The following PPARGC1A variants were observed in gnomAD, a reference collection of about 807,000 sequenced individuals.
PPARGC1A encodes PPARG coactivator 1 alpha, also known as peroxisome proliferator-activated receptor gamma coactivator 1-alpha.
A neutral mutation model predicts 88.7 loss-of-function variants in PPARGC1A; 25 were observed. That is an observed-to-expected ratio of 0.28 (90% CI 0.21 to 0.39). The LOEUF is 0.39. Ranked by LOEUF, PPARGC1A falls within the 10% of genes least tolerant of loss-of-function variation. The pLI is 1.00. For missense variants in PPARGC1A, 880 were observed against 968.7 expected (o/e 0.91, Z 1.22); for synonymous variants, 363 against 355.6 (o/e 1.02, Z -0.24).
chr4:24,158,946 A>T, the PPARGC1A span, among the ~76,000 whole-genome samples: 1 of 152,178 alleles, frequency 6.6e-6, no homozygotes. Context: ...TGATATCAGA[A>T]AGTATCTTAC....
At chr4:24,114,836 G>C in the PPARGC1A span, among the ~76,000 whole-genome samples, 52 of 152,258 alleles carry the variant, frequency 3.4e-4, no homozygotes, top group Admixed American at 9.2e-4. Context: ...GGAGGGTAAG[G>C]TGCGTGGGTA....
the PPARGC1A span, among the ~76,000 whole-genome samples, chr4:24,444,535 C>T: frequency 6.6e-6 from 1 of 151,964 alleles, no homozygotes; most frequent in Non-Finnish European, 1.5e-5. Flanking sequence ...ACCCAAAGAG[C>T]CTACAGTCTG....
chr4:24,083,814 T>C, the PPARGC1A span, among the ~76,000 whole-genome samples: 1 of 152,226 alleles, frequency 6.6e-6, no homozygotes, highest in Non-Finnish European at 1.5e-5. Flanking sequence ...TACTAGTTGA[T>C]CCTTCCAAGT....
At chr4:24,149,487 C>T in the PPARGC1A span, among the ~76,000 whole-genome samples, 117 of 152,090 alleles carry the variant, frequency 7.7e-4, no homozygotes, top group Non-Finnish European at 1.3e-3. Flanking sequence ...AGCAGAAAGG[C>T]CTGTTGGATT....
Position 23,795,315 on chromosome 4 carries a change from A to C in PPARGC1A, c.*507T>G. Reference sequence around the variant, plus strand: ...TTTATATATATATATATATATATATATATATATATATATATTTCCTTTTGA... The same window carrying C: ...TTTATATATATATATATATATATATCTATATATATATATATTTCCTTTTGA... On this transcript the variant is annotated 3_prime_UTR_variant, in exon 13 of 13. Transcript: ENST00000264867. 9.2e-6 allele frequency: 1 copy of C among 108,908 alleles called. No individual in the cohort carries two copies. Among genetic ancestry groups the C allele is most frequent in the Non-Finnish European group, 1.8e-5 (1 of 54,080 alleles). The allele number at this position is 108,908 out of a possible 1,614,324, so 6.7% of individuals were successfully genotyped here.
intron 12 of PPARGC1A, among the ~76,000 whole-genome samples, chr4:23,796,353 G>C (rs897148713): frequency 7.9e-5 from 12 of 152,148 alleles, no homozygotes; most frequent in Non-Finnish European, 1.8e-4. Context: ...AGAATCATGA[G>C]AATTTCCCCT....
At chr4:23,913,267 T>TATATATAGAGAGAGAG in the PPARGC1A span, among the ~76,000 whole-genome samples, 1 of 77,532 alleles carries the variant, frequency 1.3e-5, no homozygotes, top group African/African-American at 5.6e-5. Flanking sequence ...TATATATATA[T>TATATATAGAGAGAGAG]AGAGAGAGAG....
the PPARGC1A span, among the ~76,000 whole-genome samples, chr4:24,024,403 C>T: frequency 3.3e-5 from 5 of 152,318 alleles, no homozygotes; most frequent in South Asian, 1.0e-3. Context: ...CATCAGCAGT[C>T]AGTTCTTCCC....
the PPARGC1A span, among the ~76,000 whole-genome samples, chr4:24,175,840 C>G: frequency 2.6e-5 from 4 of 151,954 alleles, no homozygotes; most frequent in East Asian, 7.7e-4. Flanking sequence ...TGAAATCCTC[C>G]AGAATCTCGT....
At chr4:24,372,905 G>C in the PPARGC1A span, among the ~76,000 whole-genome samples, 9 of 152,320 alleles carry the variant, frequency 5.9e-5, no homozygotes, top group South Asian at 1.9e-3. Context: ...GCTCACAGAG[G>C]AGAGAGCTGG....
the PPARGC1A span, among the ~76,000 whole-genome samples, chr4:24,211,343 T>C: frequency 6.6e-6 from 1 of 152,172 alleles, no homozygotes; most frequent in Non-Finnish European, 1.5e-5. Flanking sequence ...GACTTCAATA[T>C]AGAAGGTAAT....
At chr4:23,810,838 G>A (rs1720765560) in intron 10 of PPARGC1A, among the ~76,000 whole-genome samples, 1 of 152,080 alleles carries the variant, frequency 6.6e-6, no homozygotes. Context: ...TGATTATAAT[G>A]TGCCATATTA....
the PPARGC1A span, among the ~76,000 whole-genome samples, chr4:24,050,346 T>A: frequency 6.6e-6 from 1 of 151,700 alleles, no homozygotes; most frequent in African/African-American, 2.4e-5. Context: ...CAGGCGCCCA[T>A]CACCACGCCC....
At chr4:23,862,371 T>C (rs1016475869) in intron 2 of PPARGC1A, among the ~76,000 whole-genome samples, 1 of 152,148 alleles carries the variant, frequency 6.6e-6, no homozygotes, top group Non-Finnish European at 1.5e-5. Flanking sequence ...TTCCAGGCAT[T>C]TGGAAAATTT....
At chr4:24,260,925 G>A in the PPARGC1A span, among the ~76,000 whole-genome samples, 8 of 152,144 alleles carry the variant, frequency 5.3e-5, no homozygotes, top group African/African-American at 1.7e-4. Context: ...AAAAATAACA[G>A]CTGTGAATTT....
chr4:24,303,826 G>A, the PPARGC1A span, among the ~76,000 whole-genome samples: 15 of 152,298 alleles, frequency 9.8e-5, no homozygotes, highest in East Asian at 2.9e-3. Flanking sequence ...CGTTTCTGGT[G>A]CCTTTTAAAC....
chr4:23,893,871 T>C (rs1421719846), upstream of PPARGC1A, among the ~76,000 whole-genome samples: 1 of 152,152 alleles, frequency 6.6e-6, no homozygotes, highest in Non-Finnish European at 1.5e-5. Flanking sequence ...AAGCAAGACA[T>C]ATACAGCAGA....
At chr4:24,329,866 A>T in the PPARGC1A span, among the ~76,000 whole-genome samples, 1 of 152,164 alleles carries the variant, frequency 6.6e-6, no homozygotes, top group African/African-American at 2.4e-5. Flanking sequence ...AACCCAGTAA[A>T]ACAAAATCTT....
At chr4:23,801,166 C>G (rs1288570009) in intron 12 of PPARGC1A, among the ~76,000 whole-genome samples, 1 of 150,890 alleles carries the variant, frequency 6.6e-6, no homozygotes, top group Admixed American at 6.6e-5. Flanking sequence ...TCAGGGTAGG[C>G]CTGGAAGGCA....
Sources: gnomAD v4.1 joint callset for allele counts (sites outside exome capture counted in the v4.1 genomes callset) on GRCh38, gnomAD v4.1.1 for gene constraint, MANE v1.5 for transcripts, NCBI Gene and HGNC (gene_info 2026-07-23, HGNC 2026-07-21) for gene names.